The following DSCAML1 variants were observed in gnomAD, a reference collection of about 807,000 sequenced individuals.
DSCAML1 encodes DS cell adhesion molecule like 1, also known as cell adhesion molecule DSCAML1.
Under a neutral mutation model 200.5 loss-of-function variants are expected in DSCAML1, and 38 were observed. The ratio of observed to expected loss-of-function variants is 0.19; its 90% confidence interval spans 0.15 to 0.25. The LOEUF (loss-of-function observed/expected upper bound fraction) is 0.25. DSCAML1 is among the 10% of genes least tolerant of loss of function. The probability of loss-of-function intolerance (pLI) is 1.00; values close to 1 mark genes in which losing one functional copy is unlikely to be tolerated. For synonymous variants in DSCAML1, 1,215 were observed against 1,165.0 expected (o/e 1.04, Z -0.87); for missense variants, 2,223 against 2,858.8 (o/e 0.78, Z 5.07).
At position 117,480,790 on chromosome 11, in the gene DSCAML1, G is replaced by C. The variant is rs1333152855; in HGVS notation, c.2657-219C>G. Among the ~76,000 whole-genome samples, 2 of 152,148 alleles carry C rather than the reference G, an allele frequency of 1.3e-5. No homozygotes were observed. Among genetic ancestry groups the C allele is most frequent in the Non-Finnish European group, 2.9e-5 (2 of 68,010 alleles). On this transcript the variant is annotated intron_variant, in intron 13 of 32. Transcript: ENST00000651296. This position sits in a 1 kb window ranked among gnomAD's most constrained non-coding sequence, Gnocchi z 4.1. Reference sequence around the variant, plus strand: ...TGCTGCCATCTTGTTCTTGGCCTGGGAGAGGGCTGACTCTTCTGCAGGGAT... The same window carrying C: ...TGCTGCCATCTTGTTCTTGGCCTGGCAGAGGGCTGACTCTTCTGCAGGGAT...
At chr11:117,438,794 A>G in intron 24 of DSCAML1, 91 bp downstream of exon 24, 1 of 1,161,782 alleles carries the variant, frequency 8.6e-7, no homozygotes, top group African/African-American at 1.6e-5. Context: ...TGTCATTTGG[A>G]GACAAATGGC....
intron 16 of DSCAML1, among the ~76,000 whole-genome samples, chr11:117,465,536 C>G (rs2048564117): frequency 6.6e-6 from 1 of 152,230 alleles, no homozygotes; most frequent in Admixed American, 6.5e-5. Context: ...CTCCCTGCCT[C>G]TCTCTGGCAC....
Position 117,532,390 on chromosome 11 carries a change from C to T in DSCAML1, c.644G>A (p.Arg215His), listed in dbSNP as rs766596981. Residue 215 changes from arginine to histidine, a missense_variant, in exon 4 of 33, where the codon CGC becomes CAC. This residue lies in a region of DSCAML1 where 579 missense variants were observed against 721.5 expected (regional missense o/e 0.80). Transcript: ENST00000651296. ...SGETRQSNGA[R>H]LSVTDPAESI... ...CTCTCCCCTACCTGTCACAGAGAGG[C>T]GTGCCCCATTGCTCTGCCGGGTCTC... 1.7e-5 allele frequency: 28 copies of T among 1,613,744 alleles called. No individual in the cohort carries two copies. The highest frequency in any genetic ancestry group is 4.5e-5 in the East Asian group (2 of 44,886).
chr11:117,709,917 T>TA (rs1251745967), intron 3 of DSCAML1, among the ~76,000 whole-genome samples: 1 of 152,178 alleles, frequency 6.6e-6, no homozygotes, highest in Non-Finnish European at 1.5e-5. Flanking sequence ...TCAGAGCCCC[T>TA]GCCTCCAGCC....
At position 117,760,432 on chromosome 11, in the gene DSCAML1, G is replaced by A. The variant is rs28548237; in HGVS notation, c.511+16359C>T. Among the ~76,000 whole-genome samples the A allele has an allele frequency of 5.3e-3, 802 of 152,302 alleles. 2 individuals are homozygous for A. The highest frequency in any genetic ancestry group is 0.017 in the African/African-American group (711 of 41,570). ...TATGTATGCATCCAGAAACAATACA[G>A]AGGACTGTTTTGCATGTTTTCAAAC... On this transcript the variant is annotated intron_variant, in intron 3 of 32. Coordinates refer to ENST00000651296, the MANE Select transcript of DSCAML1 (RefSeq NM_020693.4).
At chr11:117,531,968 G>T (rs2050087867) in intron 4 of DSCAML1, among the ~76,000 whole-genome samples, 1 of 121,406 alleles carries the variant, frequency 8.2e-6, no homozygotes, top group African/African-American at 3.1e-5. Flanking sequence ...GGGAGGGAGG[G>T]ACGAAATAAA....
chr11:117,646,852 AG>A (rs1167521791), intron 3 of DSCAML1, among the ~76,000 whole-genome samples: 5 of 147,168 alleles, frequency 3.4e-5, no homozygotes, highest in African/African-American at 1.2e-4. Flanking sequence ...AGAGAGAGAG[AG>A]GAAAAAAAAA....
chr11:117,760,739 C>G (rs1021503042), intron 3 of DSCAML1, among the ~76,000 whole-genome samples: 1 of 152,178 alleles, frequency 6.6e-6, no homozygotes, highest in South Asian at 2.1e-4. Context: ...TTATCTCTCT[C>G]CCCTGAAGGG....
At chr11:117,524,781 G>T (rs1332837547) in intron 5 of DSCAML1, 24 bp downstream of exon 5, 2 of 1,557,252 alleles carry the variant, frequency 1.3e-6, no homozygotes, top group Non-Finnish European at 1.7e-6. Flanking sequence ...TACTGGGGCT[G>T]CAGAAGGGGC....
intron 3 of DSCAML1, among the ~76,000 whole-genome samples, chr11:117,610,311 C>G (rs932558062): frequency 2.0e-5 from 3 of 152,200 alleles, no homozygotes; most frequent in East Asian, 3.9e-4. Flanking sequence ...GTCACACATT[C>G]TTCCAAAACT....
At chr11:117,797,292 GC>G (rs1165738358), upstream of DSCAML1, 92 of 1,322,666 alleles carry the variant, frequency 7.0e-5, no homozygotes, top group East Asian at 4.4e-4. Context: ...CGCTCTCCCC[GC>G]CCCCCCGCGG....
At chr11:117,709,969 T>C (rs1303875464) in intron 3 of DSCAML1, among the ~76,000 whole-genome samples, 1 of 152,180 alleles carries the variant, frequency 6.6e-6, no homozygotes, top group Non-Finnish European at 1.5e-5. Context: ...AATGAATCCC[T>C]GGACTTTGCC....
chr11:117,472,116 C>T (rs939686716), intron 14 of DSCAML1, 80 bp from the exon 15 acceptor site: 26 of 1,541,160 alleles, frequency 1.7e-5, no homozygotes, highest in Non-Finnish European at 2.3e-5. Flanking sequence ...CAGTACAACC[C>T]AATATTAAGT....
chr11:117,586,605 G>T (rs1007601111), intron 3 of DSCAML1, among the ~76,000 whole-genome samples: 6 of 152,228 alleles, frequency 3.9e-5, no homozygotes, highest in African/African-American at 1.4e-4. Flanking sequence ...GATCTAGACA[G>T]GAGGCGGGAA....
intron 3 of DSCAML1, among the ~76,000 whole-genome samples, chr11:117,731,980 A>G (rs950772803): frequency 2.6e-5 from 4 of 152,164 alleles, no homozygotes; most frequent in African/African-American, 7.2e-5. Context: ...GGGTGATGTC[A>G]TCTTCCTCTT....
intron 3 of DSCAML1, among the ~76,000 whole-genome samples, chr11:117,655,903 A>C (rs1477464444): frequency 6.6e-6 from 1 of 152,148 alleles, no homozygotes; most frequent in Non-Finnish European, 1.5e-5. Context: ...CTGAGCTGGG[A>C]GTGTGCAGCG....
chr11:117,803,639 C>T lies in DSCAML1; in HGVS notation c.-250+13751G>A, dbSNP rs78864851. Reference sequence around the variant, plus strand: ...CTTCCAGCCCTGCAAAACCTGAATCCGTCCCAGGAACTTTCCTTGGGTTAC... The same window carrying T: ...CTTCCAGCCCTGCAAAACCTGAATCTGTCCCAGGAACTTTCCTTGGGTTAC... On this transcript the variant is annotated intron_variant, in intron 1 of 2. Transcript: ENST00000525836. 1.3e-3 allele frequency among the ~76,000 whole-genome samples: 197 copies of T among 152,262 alleles called. 7 individuals carry two copies. The East Asian group carries it at 0.036, about 28-fold the overall frequency.
chr11:117,792,795 A>ATCCC (rs2055495746), intron 1 of DSCAML1, among the ~76,000 whole-genome samples: 1 of 152,070 alleles, frequency 6.6e-6, no homozygotes, highest in East Asian at 1.9e-4. Flanking sequence ...TTCCTGCACC[A>ATCCC]TGAGAGGAGC....
Position 117,480,596 on chromosome 11 carries a change from G to C in DSCAML1, c.2657-25C>G, listed in dbSNP as rs1485022256. ...TCTAGGGTGCGGCAGTGGAGGGGAG[G>C]GAAGTGAGGAGGGCAGCAGGGAGCT... On this transcript the variant is annotated intron_variant, in intron 13 of 32. Transcript: ENST00000651296. This position sits in a 1 kb window ranked among gnomAD's most constrained non-coding sequence, Gnocchi z 4.1. The C allele has an allele frequency of 3.2e-6, 5 of 1,551,410 alleles. No individual in the cohort carries two copies. Among genetic ancestry groups the C allele is most frequent in the Non-Finnish European group, 4.4e-6 (5 of 1,147,192 alleles).
Sources: gnomAD v4.1 joint callset for allele counts (sites outside exome capture counted in the v4.1 genomes callset) on GRCh38, gnomAD v4.1.1 for gene constraint, gnomAD v4.1.1 regional missense constraint, Gnocchi (gnomAD v3.1) non-coding constraint, MANE v1.5 for transcripts, NCBI Gene and HGNC (gene_info 2026-07-23, HGNC 2026-07-21) for gene names.